The following CACNA2D3 variants were observed in gnomAD, a reference collection of about 807,000 sequenced individuals.
CACNA2D3 encodes voltage-dependent calcium channel subunit alpha-2/delta-3.
A neutral mutation model predicts 160.6 loss-of-function variants in CACNA2D3; 60 were observed. The observed-to-expected ratio is 0.37, with a 90% CI of 0.30 to 0.46. CACNA2D3 has a LOEUF of 0.46. Among genes scored for constraint, CACNA2D3 ranks in the 20% least tolerant of loss-of-function variants. The pLI is 1.00. For synonymous variants in CACNA2D3, 558 were observed against 492.9 expected (o/e 1.13, Z -1.75); for missense variants, 1,205 against 1,365.0 (o/e 0.88, Z 1.85).
At chr3:54,871,328 T>C (rs1014182955) in intron 17 of CACNA2D3, among the ~76,000 whole-genome samples, 2 of 152,050 alleles carry the variant, frequency 1.3e-5, no homozygotes, top group Non-Finnish European at 2.9e-5. Flanking sequence ...ACTTTTCTAC[T>C]CCCAACTTGG....
intron 2 of CACNA2D3, among the ~76,000 whole-genome samples, chr3:54,261,490 G>A (rs1702399654): frequency 6.6e-6 from 1 of 152,222 alleles, no homozygotes; most frequent in African/African-American, 2.4e-5. Flanking sequence ...TTGGCATGCA[G>A]TGGTTGCTCA....
intron 18 of CACNA2D3, among the ~76,000 whole-genome samples, chr3:54,873,032 C>T (rs774374747): frequency 7.2e-5 from 11 of 151,936 alleles, no homozygotes; most frequent in Non-Finnish European, 1.6e-4. Flanking sequence ...CTCTGCTTGC[C>T]GGATGTTTGT....
At chr3:55,059,929 T>A (rs1267419300) in intron 35 of CACNA2D3, among the ~76,000 whole-genome samples, 2 of 152,066 alleles carry the variant, frequency 1.3e-5, no homozygotes, top group African/African-American at 4.8e-5. Flanking sequence ...GCCAGGCTGC[T>A]CTTCTGTTTA....
At chr3:54,403,409 TAA>T (rs1369508371) in intron 4 of CACNA2D3, among the ~76,000 whole-genome samples, 1 of 135,422 alleles carries the variant, frequency 7.4e-6, no homozygotes, top group Non-Finnish European at 1.6e-5. Context: ...GCACACACAA[TAA>T]AAATATCTTG....
intron 14 of CACNA2D3, among the ~76,000 whole-genome samples, chr3:54,836,522 C>T (rs1047080143): frequency 1.8e-4 from 27 of 151,744 alleles, no homozygotes; most frequent in African/African-American, 6.5e-4. Context: ...ATGTGAGCCA[C>T]CACGCCTGTC....
intron 35 of CACNA2D3, among the ~76,000 whole-genome samples, chr3:55,072,524 T>C (rs1020091120): frequency 3.3e-5 from 5 of 152,256 alleles, no homozygotes; most frequent in African/African-American, 1.2e-4. Context: ...GATAAAACTT[T>C]GGAGAAACTG....
chr3:54,777,426 T>A (rs1044189142), intron 13 of CACNA2D3, among the ~76,000 whole-genome samples: 1 of 152,196 alleles, frequency 6.6e-6, no homozygotes, highest in Non-Finnish European at 1.5e-5. Flanking sequence ...TAAGTCTATC[T>A]CTCAGTGCAA....
rs551786146 is a variant in CACNA2D3 at position 54,445,862 on chromosome 3, A to C, written c.382-57630A>C. On this transcript the variant is annotated intron_variant, in intron 4 of 37. Transcript: ENST00000474759. ...CCTTGTTCTAGGAGGGTAGATGTTTATAAGACCTCTCATGAACTTGTCTCA... is the reference window on the plus strand; with the variant it reads ...CCTTGTTCTAGGAGGGTAGATGTTTCTAAGACCTCTCATGAACTTGTCTCA... Among the ~76,000 whole-genome samples, 4 of 152,292 alleles carry C rather than the reference A, an allele frequency of 2.6e-5. No homozygotes were observed. The South Asian group carries it at 6.2e-4, about 24-fold the overall frequency.
rs1704299853 is a variant in CACNA2D3, at chr3:54,333,059, G to T, written c.321+12501G>T. On this transcript the variant is annotated intron_variant, in intron 3 of 37. Transcript: ENST00000474759. ...TGTGAAGCTGGAGAGGAAGTAGAATGTGGGACCAGTTGAAGGCATTGAGAA... is the reference window on the plus strand; with the variant it reads ...TGTGAAGCTGGAGAGGAAGTAGAATTTGGGACCAGTTGAAGGCATTGAGAA... Among the ~76,000 whole-genome samples, 3 of 152,300 alleles carry T rather than the reference G, an allele frequency of 2.0e-5. No individual in the cohort carries two copies. In the South Asian group the frequency reaches 6.2e-4, roughly 32 times the overall value.
intron 4 of CACNA2D3, among the ~76,000 whole-genome samples, chr3:54,466,404 G>C (rs1014863944): frequency 5.9e-5 from 9 of 152,120 alleles, no homozygotes; most frequent in Admixed American, 5.9e-4. Context: ...ACCACCCATT[G>C]TTGTAAAGAA....
intron 4 of CACNA2D3, among the ~76,000 whole-genome samples, chr3:54,450,674 G>GCTGGCCCC (rs1043878716): frequency 2.6e-5 from 4 of 152,062 alleles, no homozygotes; most frequent in African/African-American, 9.7e-5. Flanking sequence ...CACTGCACAC[G>GCTGGCCCC]CTGGCTCCCC....
intron 2 of CACNA2D3, among the ~76,000 whole-genome samples, chr3:54,279,578 G>A (rs150119467): frequency 3.9e-5 from 6 of 152,300 alleles, no homozygotes; most frequent in African/African-American, 7.2e-5. Flanking sequence ...TGTGGCGCAG[G>A]AAGGTTGGAT....
intron 4 of CACNA2D3, among the ~76,000 whole-genome samples, chr3:54,428,396 G>A (rs1699939815): frequency 6.6e-6 from 1 of 152,106 alleles, no homozygotes; most frequent in South Asian, 2.1e-4. Context: ...GTTAAGATAG[G>A]ATGAGGCACT....
At chr3:54,652,186 T>C (rs773488478) in intron 11 of CACNA2D3, among the ~76,000 whole-genome samples, 46 of 151,904 alleles carry the variant, frequency 3.0e-4, no homozygotes, top group Admixed American at 8.5e-4. Flanking sequence ...CTTCATCCCA[T>C]AGGACTGGAT....
At chr3:54,289,610 C>A (rs568132141) in intron 2 of CACNA2D3, among the ~76,000 whole-genome samples, 2 of 152,040 alleles carry the variant, frequency 1.3e-5, no homozygotes, top group African/African-American at 2.4e-5. Context: ...GTCAATCCTA[C>A]GCCGAAAGAA....
intron 2 of CACNA2D3, among the ~76,000 whole-genome samples, chr3:54,187,283 A>G (rs1700894794): frequency 6.6e-6 from 1 of 152,296 alleles, no homozygotes; most frequent in African/African-American, 2.4e-5. Flanking sequence ...AAAACTTAAT[A>G]TACTCGGTTG....
At chr3:54,402,566 C>G (rs1394274315) in intron 4 of CACNA2D3, among the ~76,000 whole-genome samples, 2 of 152,020 alleles carry the variant, frequency 1.3e-5, no homozygotes, top group Non-Finnish European at 1.5e-5. Flanking sequence ...TGATAAAGGG[C>G]TCAATTCATC....
At chr3:54,473,714 G>C (rs552282635) in intron 4 of CACNA2D3, among the ~76,000 whole-genome samples, 31 of 152,292 alleles carry the variant, frequency 2.0e-4, no homozygotes, top group Non-Finnish European at 4.0e-4. Flanking sequence ...CCATTAAAAA[G>C]TGGATGAAGG....
At chr3:54,449,858 C>A (rs182411468) in intron 4 of CACNA2D3, among the ~76,000 whole-genome samples, 2 of 152,140 alleles carry the variant, frequency 1.3e-5, no homozygotes, top group Admixed American at 1.3e-4. Context: ...TTATAACTTA[C>A]CCAGTGTCAG....
Sources: gnomAD v4.1 joint callset for allele counts (sites outside exome capture counted in the v4.1 genomes callset) on GRCh38, gnomAD v4.1.1 for gene constraint, MANE v1.5 for transcripts, NCBI Gene and HGNC (gene_info 2026-07-23, HGNC 2026-07-21) for gene names.